Variants in CEBPZ observed in about 807,000 individuals in gnomAD.
The protein encoded by CEBPZ is CCAAT enhancer binding protein zeta.
In CEBPZ, 78 loss-of-function variants were observed where a neutral mutation model predicts 104.5. That is an observed-to-expected ratio of 0.75 (90% CI 0.62 to 0.90). The LOEUF is 0.90. Ranked by LOEUF, CEBPZ falls within the 40% of genes least tolerant of loss-of-function variation. The pLI is 0.00. For missense variants in CEBPZ, 1,439 were observed against 1,233.5 expected (o/e 1.17, Z -2.50); for synonymous variants, 470 against 427.0 (o/e 1.10, Z -1.24).
At chr2:37,225,035 C>T (rs1664849532) in intron 2 of CEBPZ, among the ~76,000 whole-genome samples, 1 of 142,278 alleles carries the variant, frequency 7.0e-6, no homozygotes, top group East Asian at 2.1e-4. Flanking sequence ...AACCACCCCC[C>T]TTCAAAACAA....
Position 37,228,458 on chromosome 2 carries a change from A to C in CEBPZ, c.735T>G (p.Gly245=), listed in dbSNP as rs920157090. 1.2e-6 allele frequency: 2 copies of C among 1,614,180 alleles called. No individual in the cohort carries two copies. The highest frequency in any genetic ancestry group is 4.5e-5 in the East Asian group (2 of 44,886). ...MKAIVSSGTL[G]DRMAAMILLI... Reference sequence around the variant, plus strand: ...GAAGAATCATGGCTGCCATCCTGTCACCTAGTGTCCCCGATGACACAATTG... The same window carrying C: ...GAAGAATCATGGCTGCCATCCTGTCCCCTAGTGTCCCCGATGACACAATTG... The change falls in exon 2 of 16, where the codon GGT becomes GGG. Residue 245 remains glycine (G), a synonymous_variant. Coordinates refer to ENST00000234170, the MANE Select transcript of CEBPZ (RefSeq NM_005760.3).
At chr2:37,210,900 A>T (rs1677700773) in intron 13 of CEBPZ, 99 bp downstream of exon 13, 1 of 593,610 alleles carries the variant, frequency 1.7e-6, no homozygotes, top group African/African-American at 2.0e-5. Flanking sequence ...CCACCCCTGA[A>T]TTTTATTAAT....
At chr2:37,216,550 AAT>A (rs1365943400) in intron 6 of CEBPZ, 132 bp from the exon 7 acceptor site, 2 of 661,278 alleles carry the variant, frequency 3.0e-6, no homozygotes, top group African/African-American at 1.8e-5. Context: ...TGACTCTTCA[AAT>A]ATCTCTCTCA....
Position 37,216,339 on chromosome 2 carries a change from T to C in CEBPZ, c.2288A>G (p.Asn763Ser), listed in dbSNP as rs1677866402. 1 of 1,613,722 alleles carries C rather than the reference T, an allele frequency of 6.2e-7. No homozygotes were observed. Among genetic ancestry groups the C allele is most frequent in the African/African-American group, 1.3e-5 (1 of 74,914 alleles). The change falls in exon 7 of 16, where the codon AAT (asparagine) becomes AGT (serine). Residue 763 changes from asparagine (N) to serine (S), a missense_variant. Coordinates refer to ENST00000234170, the MANE Select transcript of CEBPZ (RefSeq NM_005760.3). Reference protein sequence around the residue: ...MRFLDRFVYRNPKPHKGKENT... With the variant: ...MRFLDRFVYRSPKPHKGKENT... ...ACCTTTGCCTTTATGGGGCTTTGGATTTCGGTATACAAATCGATCCAAAAA... is the reference window on the plus strand; with the variant it reads ...ACCTTTGCCTTTATGGGGCTTTGGACTTCGGTATACAAATCGATCCAAAAA...
Position 37,228,685 on chromosome 2 carries a change from A to G in CEBPZ, c.508T>C (p.Phe170Leu), listed in dbSNP as rs772675951. ...CTAAGTAACAAAGTCTGTCTCTCAA[A>G]AAATTCAAAGATGTTCTGTTTATCT... is the stretch of plus-strand genomic sequence containing the variant. ...KKDKQNIFEF[F>L]ERQTLLLRPG... is the part of the protein sequence containing the mutation. Residue 170 changes from phenylalanine to leucine, a missense_variant, in exon 2 of 16, where the codon TTT becomes CTT. Coordinates refer to ENST00000234170, the MANE Select transcript of CEBPZ (RefSeq NM_005760.3). 3 of 1,614,168 alleles carry G rather than the reference A, an allele frequency of 1.9e-6. No homozygotes were observed. The highest frequency in any genetic ancestry group is 2.5e-6 in the Non-Finnish European group (3 of 1,180,044).
At chr2:37,212,649 G>A (rs1332061659) in intron 10 of CEBPZ, 1 of 486,858 alleles carries the variant, frequency 2.1e-6, no homozygotes, top group African/African-American at 2.0e-5. Context: ...ATGGAAAGAG[G>A]ATAAATATCA....
intron 13 of CEBPZ, among the ~76,000 whole-genome samples, chr2:37,206,113 GAACAA>G (rs1375176050): frequency 1.3e-5 from 2 of 152,188 alleles, no homozygotes; most frequent in South Asian, 2.1e-4. Flanking sequence ...GCCCTGGAGA[GAACAA>G]AACAAAGAGG....
intron 5 of CEBPZ, among the ~76,000 whole-genome samples, chr2:37,218,948 C>T (rs780485887): frequency 6.6e-6 from 1 of 152,144 alleles, no homozygotes; most frequent in African/African-American, 2.4e-5. Context: ...TGGCACATTT[C>T]GTTATACTTT....
rs749101174 is a variant in CEBPZ, at chr2:37,212,404, T to A, written c.2546-12A>T. On this transcript the variant is annotated splice_polypyrimidine_tract_variant and intron_variant, in intron 10 of 15. Coordinates refer to ENST00000234170, the MANE Select transcript of CEBPZ (RefSeq NM_005760.3). ...ATCTTCAAATGTGTCTGCCAGACAATACAGAAATGTGAGATACAACAAAGA... is the reference window on the plus strand; with the variant it reads ...ATCTTCAAATGTGTCTGCCAGACAAAACAGAAATGTGAGATACAACAAAGA... 1.1e-5 allele frequency: 18 copies of A among 1,607,518 alleles called. No homozygotes were observed. The highest frequency in any genetic ancestry group is 3.3e-4 in the Middle Eastern group (2 of 6,040).
intron 5 of CEBPZ, 51 bp downstream of exon 5, chr2:37,220,326 AAAATATAT>A: frequency 1.7e-6 from 1 of 571,864 alleles, no homozygotes; most frequent in Non-Finnish European, 2.6e-6. Context: ...AAAAAAAAAA[AAAATATAT>A]ATATATATAT....
intron 9 of CEBPZ, 63 bp from the exon 10 acceptor site, chr2:37,214,024 C>T: frequency 1.1e-6 from 1 of 878,444 alleles, no homozygotes; most frequent in Non-Finnish European, 1.6e-6. Flanking sequence ...TATATATCAT[C>T]AAAGCACCTA....
chr2:37,216,966 G>T lies in CEBPZ; in HGVS notation c.2208+18C>A, dbSNP rs368817719. 11 of 1,592,140 alleles carry T rather than the reference G, an allele frequency of 6.9e-6. No individual in the cohort carries two copies. In the African/African-American group the frequency reaches 1.5e-4, roughly 21 times the overall value. ...CTTTTTTTCTTATTTCTCATCTTTG[G>T]ATTTATTTTAGACTCACCTGAAGGA... On this transcript the variant is annotated intron_variant, in intron 6 of 15. Transcript: ENST00000234170.
chr2:37,227,410 G>A, intron 2 of CEBPZ, 134 bp downstream of exon 2: 1 of 665,266 alleles, frequency 1.5e-6, no homozygotes, highest in Non-Finnish European at 2.4e-6. Context: ...CTTGAAGGTG[G>A]CGAGTAGCAA....
chr2:37,212,112 G>T, intron 11 of CEBPZ, 73 bp from the exon 12 acceptor site: 1 of 1,287,922 alleles, frequency 7.8e-7, no homozygotes, highest in Non-Finnish European at 1.1e-6. Context: ...GACTACTAGG[G>T]CAGTAGGCTA....
intron 13 of CEBPZ, chr2:37,209,469 G>C (rs1303857017): frequency 6.6e-6 from 1 of 152,164 alleles, no homozygotes; most frequent in African/African-American, 2.4e-5. Context: ...GAACAGAATA[G>C]AGAACCCAGA....
chr2:37,220,286 C>G, intron 5 of CEBPZ, 99 bp downstream of exon 5: 1 of 312,254 alleles, frequency 3.2e-6, no homozygotes, highest in Non-Finnish European at 5.6e-6. Context: ...CACTGCACTC[C>G]AGCCTGGTGA....
Position 37,216,314 on chromosome 2 carries a change from A to G in CEBPZ, c.2311+2T>C. ...CAAATAATTCACTAAATAGAAGCATACCTTTGCCTTTATGGGGCTTTGGAT... is the reference window on the plus strand; with the variant it reads ...CAAATAATTCACTAAATAGAAGCATGCCTTTGCCTTTATGGGGCTTTGGAT... On this transcript the variant is annotated splice_donor_variant, in intron 7 of 15. Coordinates refer to ENST00000234170, the MANE Select transcript of CEBPZ (RefSeq NM_005760.3). LOFTEE classifies it high-confidence loss of function. The G allele has an allele frequency of 6.2e-7, 1 of 1,612,404 alleles. No homozygotes were observed. The highest frequency in any genetic ancestry group is 8.5e-7 in the Non-Finnish European group (1 of 1,178,982).
chr2:37,211,141 T>A, intron 12 of CEBPZ, 59 bp from the exon 13 acceptor site: 2 of 1,093,610 alleles, frequency 1.8e-6, no homozygotes, highest in Non-Finnish European at 2.7e-6. Flanking sequence ...TGGAAAATAT[T>A]ACTCCAAGAT....
At chr2:37,227,125 T>C (rs142866421) in intron 2 of CEBPZ, among the ~76,000 whole-genome samples, 17 of 152,318 alleles carry the variant, frequency 1.1e-4, no homozygotes, top group African/African-American at 3.8e-4. Context: ...ACTGTGTGAA[T>C]GCATTCAACT....
Sources: allele counts gnomAD v4.1 joint callset (sites outside exome capture counted in the v4.1 genomes callset), GRCh38; gene constraint gnomAD v4.1.1; transcripts MANE v1.5; gene names NCBI Gene and HGNC (gene_info 2026-07-23, HGNC 2026-07-21).